The following PRMT8 variants were observed in gnomAD, a reference collection of about 807,000 sequenced individuals.
PRMT8 encodes the protein protein arginine N-methyltransferase 8.
A neutral mutation model predicts 47.1 loss-of-function variants in PRMT8; 7 were observed. That is an observed-to-expected ratio of 0.15 (90% CI 0.08 to 0.28). The LOEUF is 0.28. Among genes scored for constraint, PRMT8 ranks in the 10% least tolerant of loss-of-function variants. PRMT8 has a pLI of 1.00. For synonymous variants in PRMT8, 188 were observed against 186.5 expected (o/e 1.01, Z -0.07); for missense variants, 237 against 505.4 (o/e 0.47, Z 5.09).
chr12:3,417,435 C>T (rs112974025), intron 1 of PRMT8, among the ~76,000 whole-genome samples: 1,975 of 152,302 alleles, frequency 0.013, 52 homozygotes, highest in African/African-American at 0.045. Context: ...TGCAGAGGAG[C>T]GTCCAGCTCT....
chr12:3,520,451 C>T (rs1565429563), intron 1 of PRMT8, among the ~76,000 whole-genome samples: 1 of 152,234 alleles, frequency 6.6e-6, no homozygotes, highest in East Asian at 1.9e-4. Context: ...TTTCCCAGTG[C>T]ACCCTGGAAA....
intron 1 of PRMT8, among the ~76,000 whole-genome samples, chr12:3,498,449 C>T (rs982517930): frequency 5.9e-5 from 9 of 152,144 alleles, no homozygotes; most frequent in African/African-American, 1.2e-4. Flanking sequence ...TTTTCCAGGA[C>T]GTCTTTTCTT....
chr12:3,391,132 T>G (rs1347163867), intron 1 of PRMT8, among the ~76,000 whole-genome samples: 1 of 152,154 alleles, frequency 6.6e-6, no homozygotes, highest in Non-Finnish European at 1.5e-5. Flanking sequence ...TGTGATTCAT[T>G]TTTTTCGGTA....
rs779779040 is a variant in PRMT8, at chr12:3,580,422, A to T, written c.829-2636A>T. On this transcript the variant is annotated intron_variant, in intron 7 of 9. Transcript: ENST00000382622. This position sits in a 1 kb window ranked among gnomAD's most constrained non-coding sequence, Gnocchi z 4.6. ...AGTAACCACGTCTAGATTGTAAGCC[A>T]TAAGGAATCATTGAAGGTTATAGAT... 2.0e-5 allele frequency among the ~76,000 whole-genome samples: 3 copies of T among 152,066 alleles called. No homozygotes were observed. The highest frequency in any genetic ancestry group is 4.4e-5 in the Non-Finnish European group (3 of 68,020).
At chr12:3,442,350 A>G (rs937620268) in intron 1 of PRMT8, among the ~76,000 whole-genome samples, 1 of 152,186 alleles carries the variant, frequency 6.6e-6, no homozygotes, top group African/African-American at 2.4e-5. Flanking sequence ...AAAAAAAAAC[A>G]AAGGCATGAA....
At chr12:3,459,752 T>C (rs1457955312) in intron 1 of PRMT8, among the ~76,000 whole-genome samples, 2 of 152,112 alleles carry the variant, frequency 1.3e-5, no homozygotes, top group Non-Finnish European at 2.9e-5. Flanking sequence ...TGGAAGACGC[T>C]GGAGCCTTCC....
At chr12:3,437,840 G>C (rs1864761313) in intron 1 of PRMT8, among the ~76,000 whole-genome samples, 1 of 152,120 alleles carries the variant, frequency 6.6e-6, no homozygotes, top group Non-Finnish European at 1.5e-5. Flanking sequence ...GTCACATGCG[G>C]TGATGGAATG....
At chr12:3,422,998 G>T (rs1864560171) in intron 1 of PRMT8, among the ~76,000 whole-genome samples, 1 of 152,160 alleles carries the variant, frequency 6.6e-6, no homozygotes, top group East Asian at 1.9e-4. Context: ...TTTGTTATTT[G>T]AAGAAGTACA....
intron 1 of PRMT8, among the ~76,000 whole-genome samples, chr12:3,516,007 T>G (rs2335990): frequency 0.98 from 149,992 of 152,326 alleles, 73,895 homozygotes; most frequent in East Asian, 1. Flanking sequence ...TGGCCTTGTG[T>G]ATAAAGTATC....
intron 4 of PRMT8, among the ~76,000 whole-genome samples, chr12:3,567,735 T>A (rs1396019833): frequency 6.6e-6 from 1 of 152,232 alleles, no homozygotes; most frequent in East Asian, 1.9e-4. Context: ...AGTAAGCTAC[T>A]ATCAGCCTAC....
rs1866814643 is a variant in PRMT8 at position 3,569,890 on chromosome 12, A to G, written c.712+326A>G. 6.6e-6 allele frequency among the ~76,000 whole-genome samples: 1 copy of G among 152,108 alleles called. No individual in the cohort carries two copies. The highest frequency in any genetic ancestry group is 2.1e-4 in the South Asian group (1 of 4,812). On this transcript the variant is annotated intron_variant, in intron 6 of 9. Transcript: ENST00000382622. This position sits in a 1 kb window ranked among gnomAD's most constrained non-coding sequence, Gnocchi z 8.2. ...AGATCAGCAGGGCAAGTGGCTTGAA[A>G]CCTGTCAAGGTTCAGTTAGCCCAAA...
At chr12:3,389,679 C>T (rs1864173514) in intron 1 of PRMT8, among the ~76,000 whole-genome samples, 1 of 152,214 alleles carries the variant, frequency 6.6e-6, no homozygotes, top group Non-Finnish European at 1.5e-5. Flanking sequence ...CACTCATCTA[C>T]TGCCCTGGGG....
chr12:3,416,344 C>A (rs1437186043), intron 1 of PRMT8, among the ~76,000 whole-genome samples: 1 of 152,210 alleles, frequency 6.6e-6, no homozygotes, highest in Non-Finnish European at 1.5e-5. Context: ...CCATCTTCAG[C>A]TAGTGGAGCC....
intron 1 of PRMT8, among the ~76,000 whole-genome samples, chr12:3,416,166 G>A (rs1372883784): frequency 6.6e-6 from 1 of 152,164 alleles, no homozygotes; most frequent in East Asian, 1.9e-4. Flanking sequence ...TCTAACTCCT[G>A]TAACCCCCTA....
intron 1 of PRMT8, among the ~76,000 whole-genome samples, chr12:3,387,470 A>G (rs985750543): frequency 6.6e-6 from 1 of 152,200 alleles, no homozygotes; most frequent in Non-Finnish European, 1.5e-5. Context: ...CCTGCTTTGT[A>G]GATGGGAAAA....
Position 3,493,624 on chromosome 12 carries a change from C to T in PRMT8, c.75+1924C>T, listed in dbSNP as rs1216581142. On this transcript the variant is annotated intron_variant, in intron 1 of 9. Coordinates refer to ENST00000382622, the MANE Select transcript of PRMT8 (RefSeq NM_019854.5). This position sits in a 1 kb window ranked among gnomAD's most constrained non-coding sequence, Gnocchi z 8.2. ...GGCTGCTGCGCTCTCCCAGCCTCGGCGAGGGTTAAAGGCGTCCGGAGCAGG... is the reference window on the plus strand; with the variant it reads ...GGCTGCTGCGCTCTCCCAGCCTCGGTGAGGGTTAAAGGCGTCCGGAGCAGG... Among the ~76,000 whole-genome samples the T allele has an allele frequency of 6.6e-6, 1 of 152,148 alleles. No homozygotes were observed. The highest frequency in any genetic ancestry group is 1.5e-5 in the Non-Finnish European group (1 of 68,034).
intron 1 of PRMT8, chr12:3,469,019 A>G (rs2137093646): frequency 5.5e-6 from 2 of 365,340 alleles, no homozygotes; most frequent in Non-Finnish European, 1.1e-5. Flanking sequence ...TATTCACTGC[A>G]TGAACTGTGC....
intron 1 of PRMT8, among the ~76,000 whole-genome samples, chr12:3,407,924 C>T (rs1018526434): frequency 1.3e-5 from 2 of 151,810 alleles, no homozygotes; most frequent in African/African-American, 4.8e-5. Context: ...TTGTACTTTT[C>T]ATTTCATTCA....
chr12:3,478,081 G>T (rs1457904963), intron 1 of PRMT8, among the ~76,000 whole-genome samples: 1 of 152,138 alleles, frequency 6.6e-6, no homozygotes, highest in African/African-American at 2.4e-5. Flanking sequence ...TTTCCTGTGG[G>T]TTGGGAGGCC....
Sources: gnomAD v4.1 joint callset for allele counts (sites outside exome capture counted in the v4.1 genomes callset) on GRCh38, gnomAD v4.1.1 for gene constraint, Gnocchi (gnomAD v3.1) non-coding constraint, MANE v1.5 for transcripts, NCBI Gene and HGNC (gene_info 2026-07-23, HGNC 2026-07-21) for gene names.